The following MBP variants were observed in gnomAD, a reference collection of about 807,000 sequenced individuals.
The protein encoded by MBP is myelin basic protein.
Under a neutral mutation model 35.8 loss-of-function variants are expected in MBP, and 16 were observed. The observed-to-expected ratio is 0.45, with a 90% CI of 0.30 to 0.68. The LOEUF (loss-of-function observed/expected upper bound fraction) is 0.68. MBP is among the 30% of genes least tolerant of loss of function. The pLI is 0.08. For missense variants in MBP, 380 were observed against 404.7 expected (o/e 0.94, Z 0.52); for synonymous variants, 143 against 159.6 (o/e 0.90, Z 0.78).
At chr18:77,132,460 C>A (rs568817970) in intron 1 of MBP, 120 bp downstream of exon 1, 1 of 152,278 alleles carries the variant, frequency 6.6e-6, no homozygotes, top group Non-Finnish European at 1.5e-5. Context: ...CCCGATCTTG[C>A]GCCCCCGGCT....
At chr18:77,097,861 C>T (rs1450707449) in intron 2 of MBP, among the ~76,000 whole-genome samples, 1 of 152,062 alleles carries the variant, frequency 6.6e-6, no homozygotes, top group African/African-American at 2.4e-5. Context: ...ACAGCCTTGG[C>T]GATACTGAGT....
chr18:77,098,552 C>T (rs1325300798), intron 2 of MBP, among the ~76,000 whole-genome samples: 7 of 152,216 alleles, frequency 4.6e-5, no homozygotes, highest in East Asian at 1.9e-4. Flanking sequence ...GGAAAGAGCA[C>T]GATCGATCCA....
At chr18:77,118,082 C>T (rs1477291993) in intron 1 of MBP, among the ~76,000 whole-genome samples, 15 of 17,668 alleles carry the variant, frequency 8.5e-4, no homozygotes, top group South Asian at 2.6e-3. Context: ...TGGGTTGGGG[C>T]GGGATGGGGA....
At chr18:77,029,753 T>A (rs895901134) in intron 3 of MBP, among the ~76,000 whole-genome samples, 3 of 151,480 alleles carry the variant, frequency 2.0e-5, no homozygotes, top group South Asian at 4.2e-4. Flanking sequence ...TAGTTTTGAG[T>A]GTTCTATGTT....
At chr18:77,059,234 T>C (rs1973866124) in intron 3 of MBP, among the ~76,000 whole-genome samples, 2 of 152,192 alleles carry the variant, frequency 1.3e-5, no homozygotes, top group Non-Finnish European at 2.9e-5. Context: ...TGTTCAATCA[T>C]ATGGAATATT....
chr18:77,054,901 A>C (rs1973662799), intron 3 of MBP, among the ~76,000 whole-genome samples: 1 of 152,212 alleles, frequency 6.6e-6, no homozygotes, highest in African/African-American at 2.4e-5. Flanking sequence ...CCAGATGATC[A>C]ATTTCATATT....
At chr18:76,987,267 TATC>T (rs1568265451) in intron 7 of MBP, 3 of 985,484 alleles carry the variant, frequency 3.0e-6, no homozygotes, top group Non-Finnish European at 3.6e-6. Flanking sequence ...TTCATTCTTC[TATC>T]ATCTTTGTCT....
At chr18:77,015,352 T>G (rs760449545) in intron 4 of MBP, 107 of 985,306 alleles carry the variant, frequency 1.1e-4, no homozygotes, top group Non-Finnish European at 1.2e-4. Context: ...GCTTACATAA[T>G]AGCAACGCTT....
chr18:77,091,482 G>T (rs562791924), intron 2 of MBP, among the ~76,000 whole-genome samples: 12 of 152,262 alleles, frequency 7.9e-5, no homozygotes, highest in African/African-American at 2.9e-4. Flanking sequence ...TGAAGAGAAT[G>T]ACAGGTAGGA....
At chr18:77,013,703 G>C (rs568651790) in intron 4 of MBP, 2 of 985,392 alleles carry the variant, frequency 2.0e-6, no homozygotes, top group South Asian at 9.4e-5. Flanking sequence ...CAAAATCATC[G>C]GTAAGAAGCT....
chr18:77,098,191 CAAT>C (rs1975845779), intron 2 of MBP, among the ~76,000 whole-genome samples: 2 of 41,290 alleles, frequency 4.8e-5, no homozygotes, highest in Admixed American at 2.6e-4. Flanking sequence ...TTTTTTTTTA[CAAT>C]AATAGCAATA....
chr18:77,040,018 A>G (rs983574359), intron 3 of MBP, among the ~76,000 whole-genome samples: 1 of 152,198 alleles, frequency 6.6e-6, no homozygotes, highest in Non-Finnish European at 1.5e-5. Context: ...TACTCTGGTG[A>G]TTGAGGACTT....
At chr18:76,995,058 T>C (rs1268212353) in intron 4 of MBP, among the ~76,000 whole-genome samples, 1 of 152,210 alleles carries the variant, frequency 6.6e-6, no homozygotes, top group African/African-American at 2.4e-5. Flanking sequence ...TACATCCAAG[T>C]AATGAACAAT....
intron 3 of MBP, among the ~76,000 whole-genome samples, chr18:77,055,575 TTCTC>T (rs963559723): frequency 6.7e-6 from 1 of 148,334 alleles, no homozygotes; most frequent in African/African-American, 2.4e-5. Context: ...TTCCTTTTCT[TTCTC>T]TTTCTTTCTC....
intron 1 of MBP, among the ~76,000 whole-genome samples, chr18:77,120,687 T>A (rs930962571): frequency 2.6e-5 from 4 of 151,654 alleles, no homozygotes; most frequent in Non-Finnish European, 1.5e-5. Context: ...GAGAAAAGGA[T>A]GGGGAAATAT....
chr18:77,041,413 C>A (rs1972984091), intron 3 of MBP, among the ~76,000 whole-genome samples: 3 of 152,134 alleles, frequency 2.0e-5, no homozygotes, highest in Admixed American at 2.0e-4. Flanking sequence ...TTTGACCCAG[C>A]CATCCCATTA....
At chr18:77,033,793 T>TCCATCCATCCATCCATCCATCCATCCAC (rs56663795) in intron 3 of MBP, among the ~76,000 whole-genome samples, 1 of 143,626 alleles carries the variant, frequency 7.0e-6, no homozygotes, top group Admixed American at 7.0e-5. Context: ...CATCCATCCA[T>TCCATCCATCCATCCATCCATCCATCCAC]CCACCCACTC....
intron 2 of MBP, among the ~76,000 whole-genome samples, chr18:77,085,736 G>C (rs1325324279): frequency 1.4e-5 from 2 of 147,866 alleles, no homozygotes; most frequent in Non-Finnish European, 3.0e-5. Flanking sequence ...CCAGGCTGGA[G>C]AGCAGTGGCG....
At chr18:77,041,473 GC>G in intron 3 of MBP, among the ~76,000 whole-genome samples, 1 of 152,254 alleles carries the variant, frequency 6.6e-6, no homozygotes, top group East Asian at 1.9e-4. Context: ...AAAGACACAT[GC>G]ACACCTATGT....
Sources: allele counts gnomAD v4.1 joint callset (sites outside exome capture counted in the v4.1 genomes callset), GRCh38; gene constraint gnomAD v4.1.1; transcripts MANE v1.5; gene names NCBI Gene and HGNC (gene_info 2026-07-23, HGNC 2026-07-21).